Variants in HS6ST3 observed in about 807,000 individuals in gnomAD.
HS6ST3 encodes the protein heparan sulfate 6-O-sulfotransferase 3, also known as heparan-sulfate 6-O-sulfotransferase 3.
HS6ST3 carries 12 observed loss-of-function variants against 36.7 expected under a neutral mutation model. The ratio of observed to expected loss-of-function variants is 0.33; its 90% CI spans 0.21 to 0.53. HS6ST3 has a LOEUF of 0.53. Ranked by LOEUF, HS6ST3 falls within the 20% of genes least tolerant of loss-of-function variation. The pLI, the probability that HS6ST3 is intolerant of heterozygous loss-of-function variation, is 0.95. For missense variants in HS6ST3, 584 were observed against 640.9 expected (o/e 0.91, Z 0.96); for synonymous variants, 240 against 257.5 (o/e 0.93, Z 0.65).
chr13:96,125,989 T>C (rs1332805360), intron 1 of HS6ST3, among the ~76,000 whole-genome samples: 1 of 152,072 alleles, frequency 6.6e-6, no homozygotes, highest in African/African-American at 2.4e-5. Flanking sequence ...AATTGACTCT[T>C]GAAAAAGTTT....
intron 1 of HS6ST3, among the ~76,000 whole-genome samples, chr13:96,489,076 A>G (rs1414358199): frequency 5.9e-5 from 9 of 152,112 alleles, no homozygotes; most frequent in Non-Finnish European, 1.0e-4. Context: ...TAACATTGTA[A>G]TGGGCATGTT....
rs148316886 is a variant in HS6ST3, at chr13:96,633,016, T to C, written c.708-199474T>C. 4.5e-3 allele frequency among the ~76,000 whole-genome samples: 685 copies of C among 152,366 alleles called. 7 individuals carry two copies. The highest frequency in any genetic ancestry group is 0.014 in the Middle Eastern group (4 of 294). On this transcript the variant is annotated intron_variant, in intron 1 of 1. Transcript: ENST00000376705. Reference sequence around the variant, plus strand: ...CCACACTTGTAATCAGAACCTCTTCTAATTTTTTTTCTGTTTTTTCATCTT... The same window carrying C: ...CCACACTTGTAATCAGAACCTCTTCCAATTTTTTTTCTGTTTTTTCATCTT...
chr13:96,176,950 A>G (rs2054215137), intron 1 of HS6ST3, among the ~76,000 whole-genome samples: 1 of 152,208 alleles, frequency 6.6e-6, no homozygotes, highest in Non-Finnish European at 1.5e-5. Flanking sequence ...CCCTGTTAAA[A>G]AGTGGGCAAA....
chr13:96,634,752 T>A (rs1207213191), intron 1 of HS6ST3, among the ~76,000 whole-genome samples: 1 of 152,156 alleles, frequency 6.6e-6, no homozygotes, highest in East Asian at 1.9e-4. Flanking sequence ...TTTGCAGAGG[T>A]GCCTGCTTCC....
In HS6ST3 at chr13:96,633,860, G is replaced by A. The variant is rs180843590; in HGVS notation, c.708-198630G>A. On this transcript the variant is annotated intron_variant, in intron 1 of 1. Coordinates refer to ENST00000376705, the MANE Select transcript of HS6ST3 (RefSeq NM_153456.4). Reference sequence around the variant, plus strand: ...AAGTACTCACTAGGCCTTGGGATATGTGAGTCTGAAACTCAGTGAAGGGTC... The same window carrying A: ...AAGTACTCACTAGGCCTTGGGATATATGAGTCTGAAACTCAGTGAAGGGTC... Among the ~76,000 whole-genome samples, 4 of 152,298 alleles carry A rather than the reference G, an allele frequency of 2.6e-5. No homozygotes were observed. The East Asian group carries it at 5.8e-4, about 22-fold the overall frequency.
At chr13:96,384,916 A>C (rs1256199414) in intron 1 of HS6ST3, among the ~76,000 whole-genome samples, 1 of 152,188 alleles carries the variant, frequency 6.6e-6, no homozygotes, top group Non-Finnish European at 1.5e-5. Flanking sequence ...ACAGTGACTC[A>C]CGCCTGTAAT....
intron 1 of HS6ST3, among the ~76,000 whole-genome samples, chr13:96,752,008 G>C (rs977949991): frequency 1.3e-5 from 2 of 151,998 alleles, no homozygotes; most frequent in Admixed American, 6.6e-5. Context: ...GAAGCTCCTT[G>C]TATGGTCTCC....
chr13:96,468,288 C>G (rs1304153683), intron 1 of HS6ST3, among the ~76,000 whole-genome samples: 2 of 151,986 alleles, frequency 1.3e-5, no homozygotes, highest in African/African-American at 4.8e-5. Context: ...CTTGAATGGG[C>G]ATTTTTTCCT....
intron 1 of HS6ST3, among the ~76,000 whole-genome samples, chr13:96,651,425 G>A (rs1158768437): frequency 2.0e-5 from 3 of 151,798 alleles, no homozygotes; most frequent in South Asian, 4.2e-4. Flanking sequence ...TAGACTCAGC[G>A]GGGCACCTAC....
intron 1 of HS6ST3, among the ~76,000 whole-genome samples, chr13:96,635,257 A>AG (rs1381365287): frequency 2.6e-4 from 3 of 11,548 alleles, no homozygotes; most frequent in East Asian, 4.9e-3. Context: ...ATAAGATGTA[A>AG]GTTTTTTTTT....
At chr13:96,333,356 T>G (rs1370648420) in intron 1 of HS6ST3, among the ~76,000 whole-genome samples, 2 of 152,222 alleles carry the variant, frequency 1.3e-5, no homozygotes, top group Non-Finnish European at 2.9e-5. Flanking sequence ...AATGCTTGTG[T>G]TCTTTCCTGG....
chr13:96,163,305 C>T (rs1282282184), intron 1 of HS6ST3, among the ~76,000 whole-genome samples: 1 of 145,646 alleles, frequency 6.9e-6, no homozygotes, highest in Non-Finnish European at 1.5e-5. Context: ...TCTCGGCTCA[C>T]TGCAAGCTCC....
At chr13:96,269,381 A>T (rs1356444100) in intron 1 of HS6ST3, among the ~76,000 whole-genome samples, 2 of 152,016 alleles carry the variant, frequency 1.3e-5, no homozygotes, top group African/African-American at 4.8e-5. Flanking sequence ...GAATTATGTG[A>T]GTTTTGAAAA....
chr13:96,197,208 T>TAC (rs1276093380), intron 1 of HS6ST3, among the ~76,000 whole-genome samples: 1 of 152,200 alleles, frequency 6.6e-6, no homozygotes, highest in Non-Finnish European at 1.5e-5. Flanking sequence ...TAATTGGACT[T>TAC]ACAGTTCCAC....
chr13:96,090,158 G>C lies in HS6ST3; in HGVS notation c.-705G>C, dbSNP rs996122659. Among the ~76,000 whole-genome samples, 1 of 152,058 alleles carries C rather than the reference G, an allele frequency of 6.6e-6. No homozygotes were observed. Among genetic ancestry groups the C allele is most frequent in the East Asian group, 1.9e-4 (1 of 5,150 alleles). On this transcript the variant is annotated 5_prime_UTR_variant, in exon 1 of 2. Transcript: ENST00000376705. ...CCAGCCTGTGTGTGCGAGTGTGTCT[G>C]CGTGCCTGCGCCTGGGCGGACAGCC...
At chr13:96,111,005 T>A (rs1051378701) in intron 1 of HS6ST3, among the ~76,000 whole-genome samples, 7 of 152,206 alleles carry the variant, frequency 4.6e-5, no homozygotes, top group Non-Finnish European at 7.3e-5. Flanking sequence ...ACACATTGAC[T>A]AGTATAAAGA....
chr13:96,590,257 C>T (rs991237211), intron 1 of HS6ST3, among the ~76,000 whole-genome samples: 9 of 152,096 alleles, frequency 5.9e-5, no homozygotes, highest in Non-Finnish European at 1.3e-4. Flanking sequence ...TTTGAGGAAC[C>T]TCCAAACTGT....
intron 1 of HS6ST3, among the ~76,000 whole-genome samples, chr13:96,374,459 A>T (rs557695586): frequency 6.6e-6 from 1 of 152,092 alleles, no homozygotes; most frequent in Non-Finnish European, 1.5e-5. Context: ...TTTCTCCTTC[A>T]TGTAGCATTC....
At chr13:96,266,186 A>G (rs893612350) in intron 1 of HS6ST3, among the ~76,000 whole-genome samples, 1 of 152,128 alleles carries the variant, frequency 6.6e-6, no homozygotes, top group Non-Finnish European at 1.5e-5. Flanking sequence ...TGTTTTGTGG[A>G]AAATACAAGT....
Sources: gnomAD v4.1 joint callset for allele counts (sites outside exome capture counted in the v4.1 genomes callset) on GRCh38, gnomAD v4.1.1 for gene constraint, MANE v1.5 for transcripts, NCBI Gene and HGNC (gene_info 2026-07-23, HGNC 2026-07-21) for gene names.